Variants in C5orf34 observed in about 807,000 individuals in gnomAD.
C5orf34 encodes the protein chromosome 5 open reading frame 34, also known as uncharacterized protein C5orf34.
C5orf34 carries 73 observed loss-of-function variants against 78.4 expected under a neutral mutation model. That is an observed-to-expected ratio of 0.93 (90% CI 0.77 to 1.13). The LOEUF is 1.13. Ranked by LOEUF, C5orf34 falls within the 50% of genes most tolerant of loss-of-function variation. C5orf34 has a pLI of 0.00. For missense variants in C5orf34, 730 were observed against 732.7 expected (o/e 1.00, Z 0.04); for synonymous variants, 251 against 246.6 (o/e 1.02, Z -0.17).
In C5orf34 at chr5:43,508,563, G is replaced by A. The variant is rs752169325; in HGVS notation, c.285+14C>T. The A allele has an allele frequency of 2.7e-6, 4 of 1,465,318 alleles. No homozygotes were observed. Among genetic ancestry groups the A allele is most frequent in the Non-Finnish European group, 2.8e-6 (3 of 1,055,440 alleles). 90.8% of individuals were successfully genotyped at this position (1,465,318 alleles called of 1,614,324 possible). On this transcript the variant is annotated intron_variant, in intron 3 of 12. Coordinates refer to ENST00000306862, the MANE Select transcript of C5orf34 (RefSeq NM_198566.4). ...CTCAAATAATACTAACAAAAATGAAGTTAAAAAAATCACCTTTTTTCTTTC... is the reference window on the plus strand; with the variant it reads ...CTCAAATAATACTAACAAAAATGAAATTAAAAAAATCACCTTTTTTCTTTC...
At position 43,505,730 on chromosome 5, in the gene C5orf34, T is replaced by C. The variant is rs1382398507; in HGVS notation, c.932+18A>G. 6.6e-7 allele frequency: 1 copy of C among 1,521,464 alleles called. No individual in the cohort carries two copies. The highest frequency in any genetic ancestry group is 8.8e-7 in the Non-Finnish European group (1 of 1,136,564). 94.2% of individuals were successfully genotyped at this position (1,521,464 alleles called of 1,614,324 possible). On this transcript the variant is annotated intron_variant, in intron 4 of 12. Transcript: ENST00000306862. ...TTCTGATAAAAAGCTTCATGACCAA[T>C]AGCCATTACTGCATTACCTGTGTAG... is the stretch of plus-strand genomic sequence containing the variant.
At chr5:43,490,897 A>G (rs1445499548) in intron 10 of C5orf34, among the ~76,000 whole-genome samples, 168 bp from the exon 11 acceptor site, 2 of 152,208 alleles carry the variant, frequency 1.3e-5, no homozygotes, top group African/African-American at 4.8e-5. Context: ...GGTCATAGAA[A>G]AGCCAAATTT....
chr5:43,500,758 CTTCTGGTT>C (rs575320313), intron 6 of C5orf34, among the ~76,000 whole-genome samples: 32 of 152,184 alleles, frequency 2.1e-4, no homozygotes, highest in Non-Finnish European at 4.3e-4. Flanking sequence ...TCTTTTATGC[CTTCTGGTT>C]TTCTGTATTC....
Position 43,505,745 on chromosome 5 carries a change from TA to T in C5orf34, c.932+2del. On this transcript the variant is annotated splice_donor_variant, in intron 4 of 12. Coordinates refer to ENST00000306862, the MANE Select transcript of C5orf34 (RefSeq NM_198566.4). LOFTEE classifies it high-confidence loss of function. ...TCATGACCAATAGCCATTACTGCAT[TA>T]CCTGTGTAGGTGTGGGACTGGACAG... The T allele has an allele frequency of 6.5e-7, 1 of 1,545,210 alleles. No homozygotes were observed. The highest frequency in any genetic ancestry group is 8.7e-7 in the Non-Finnish European group (1 of 1,147,804).
chr5:43,501,820 G>A (rs1745770831), intron 6 of C5orf34, among the ~76,000 whole-genome samples: 1 of 152,142 alleles, frequency 6.6e-6, no homozygotes, highest in African/African-American at 2.4e-5. Context: ...CTGTGAAATG[G>A]TAGATGTCAA....
intron 6 of C5orf34, among the ~76,000 whole-genome samples, chr5:43,498,160 G>A (rs1353778331): frequency 6.6e-6 from 1 of 152,064 alleles, no homozygotes. Context: ...TGAAGGAAGG[G>A]GCTGTGTCTG....
At chr5:43,513,039 C>T (rs975681675) in intron 1 of C5orf34, among the ~76,000 whole-genome samples, 1 of 151,920 alleles carries the variant, frequency 6.6e-6, no homozygotes, top group African/African-American at 2.4e-5. Context: ...GTTTTGGCCT[C>T]CCAAAGTGCT....
intron 11 of C5orf34, among the ~76,000 whole-genome samples, chr5:43,488,635 A>C (rs56870372): frequency 0.014 from 2,063 of 152,154 alleles, 47 homozygotes; most frequent in African/African-American, 0.048. Context: ...TTAAGCACAG[A>C]GGGTTAACAT....
At position 43,508,596 on chromosome 5, in the gene C5orf34, A is replaced by G. The variant is rs544491265; in HGVS notation, c.266T>C (p.Ile89Thr). 1 of 1,605,402 alleles carries G rather than the reference A, an allele frequency of 6.2e-7. No homozygotes were observed. Among genetic ancestry groups the G allele is most frequent in the East Asian group, 2.2e-5 (1 of 44,768 alleles). The change falls in exon 3 of 13, where the codon ATA (isoleucine) becomes ACA (threonine). Residue 89 changes from isoleucine to threonine, a missense_variant. Coordinates refer to ENST00000306862, the MANE Select transcript of C5orf34 (RefSeq NM_198566.4). ...AATCACCTTTTTTCTTTCAGAAGGT[A>G]TGATGGTTTCAGATAAAAAAGGGCA... ...ATCPFLSETI[I>T]PSERKKHIFI...
intron 3 of C5orf34, 59 bp downstream of exon 3, chr5:43,508,518 C>T (rs1266236493): frequency 3.1e-6 from 3 of 981,358 alleles, no homozygotes; most frequent in African/African-American, 1.6e-5. Flanking sequence ...TATTAAATTA[C>T]CTGTTTCTAG....
intron 8 of C5orf34, 82 bp downstream of exon 8, chr5:43,493,460 GA>G (rs1450445867): frequency 1.2e-6 from 1 of 817,594 alleles, no homozygotes; most frequent in Non-Finnish European, 2.0e-6. Flanking sequence ...TGACTTAGAG[GA>G]AAACTGTTTG....
intron 12 of C5orf34, among the ~76,000 whole-genome samples, 153 bp from the exon 13 acceptor site, chr5:43,487,264 G>T (rs900213879): frequency 3.3e-5 from 5 of 152,152 alleles, no homozygotes; most frequent in African/African-American, 1.2e-4. Flanking sequence ...TATCAAGTCT[G>T]CTCCTTGTAG....
chr5:43,498,653 A>G (rs1245123186), intron 6 of C5orf34, among the ~76,000 whole-genome samples: 1 of 152,008 alleles, frequency 6.6e-6, no homozygotes, highest in Non-Finnish European at 1.5e-5. Context: ...CATTTTTCCT[A>G]CCACTGCCTG....
At chr5:43,511,341 C>A (rs147220438) in intron 1 of C5orf34, 40,518 of 153,284 alleles carry the variant, frequency 0.26, 6,090 homozygotes, top group Middle Eastern at 0.37. Context: ...CCCCGTCCGG[C>A]AGCCGCCCCG....
At chr5:43,501,327 C>G (rs1426334177) in intron 6 of C5orf34, among the ~76,000 whole-genome samples, 2 of 140,616 alleles carry the variant, frequency 1.4e-5, no homozygotes, top group African/African-American at 4.9e-5. Flanking sequence ...ATCTCATTTG[C>G]TTGTTTGCCT....
chr5:43,496,085 G>A, intron 6 of C5orf34: 1 of 1,556,878 alleles, frequency 6.4e-7, no homozygotes. Context: ...GGAGATACCA[G>A]TTTCAAATTC....
rs369054413 is a variant in C5orf34 at position 43,509,368 on chromosome 5, G to A, written c.-29C>T. 2 of 1,524,834 alleles carry A rather than the reference G, an allele frequency of 1.3e-6. No individual in the cohort carries two copies. The highest frequency in any genetic ancestry group is 1.4e-5 in the African/African-American group (1 of 71,924). The allele number at this position is 1,524,834 out of a possible 1,614,324, so 94.5% of individuals were successfully genotyped here. On this transcript the variant is annotated 5_prime_UTR_variant, in exon 2 of 13. Coordinates refer to ENST00000306862, the MANE Select transcript of C5orf34 (RefSeq NM_198566.4). ...AACGGCAGGATAAGATATCTTCTAAGTCAAAGACTGAATGAAATAGGAAAA... is the reference window on the plus strand; with the variant it reads ...AACGGCAGGATAAGATATCTTCTAAATCAAAGACTGAATGAAATAGGAAAA...
chr5:43,509,112 CAAAA>C, intron 2 of C5orf34, 29 bp downstream of exon 2: 1 of 1,582,790 alleles, frequency 6.3e-7, no homozygotes, highest in Non-Finnish European at 8.6e-7. Context: ...CTCTAAAAAA[CAAAA>C]AAGTTGTTTA....
intron 11 of C5orf34, among the ~76,000 whole-genome samples, chr5:43,489,881 AG>A (rs758611265): frequency 3.3e-5 from 5 of 152,140 alleles, no homozygotes; most frequent in Non-Finnish European, 5.9e-5. Context: ...TTAGACTCTC[AG>A]TGACACTAAT....
Sources: gnomAD v4.1 joint callset for allele counts (sites outside exome capture counted in the v4.1 genomes callset) on GRCh38, gnomAD v4.1.1 for gene constraint, MANE v1.5 for transcripts, NCBI Gene and HGNC (gene_info 2026-07-23, HGNC 2026-07-21) for gene names.